Variants in EPB41L4A observed in about 807,000 individuals in gnomAD.
EPB41L4A encodes the protein band 4.1-like protein 4A.
In EPB41L4A, 100 loss-of-function variants were observed where a neutral mutation model predicts 108.6. The ratio of observed to expected loss-of-function variants is 0.92; its 90% CI spans 0.78 to 1.09. The LOEUF is 1.09. Among genes scored for constraint, EPB41L4A ranks in the 50% least tolerant of loss-of-function variants. The probability of loss-of-function intolerance (pLI) is 0.00; values close to 1 mark genes in which losing one functional copy is unlikely to be tolerated. For synonymous variants in EPB41L4A, 319 were observed against 289.0 expected (o/e 1.10, Z -1.05); for missense variants, 1,030 against 842.7 (o/e 1.22, Z -2.75).
intron 1 of EPB41L4A, among the ~76,000 whole-genome samples, chr5:112,308,766 T>C (rs1290524640): frequency 6.6e-6 from 1 of 152,196 alleles, no homozygotes; most frequent in Non-Finnish European, 1.5e-5. Context: ...CTGAAGGATA[T>C]GTATACTCAT....
chr5:112,234,938 T>A (rs973757941), intron 11 of EPB41L4A, among the ~76,000 whole-genome samples, 183 bp from the exon 12 acceptor site: 4 of 152,080 alleles, frequency 2.6e-5, no homozygotes, highest in Admixed American at 2.6e-4. Context: ...AGGAGGAGAT[T>A]TACATTAGAT....
chr5:112,145,889 C>G (rs1386819284), exon 13 of EPB41L4A: 2 of 456,058 alleles, frequency 4.4e-6, no homozygotes, highest in Non-Finnish European at 8.8e-6. Flanking sequence ...ACATCCCAGC[C>G]CCAATATCAC....
chr5:112,276,836 T>C (rs776048864), intron 3 of EPB41L4A, among the ~76,000 whole-genome samples: 12 of 152,324 alleles, frequency 7.9e-5, no homozygotes, highest in Non-Finnish European at 1.8e-4. Flanking sequence ...GTTCCTGGCA[T>C]GTGGGAGACC....
rs564064667 is a variant in EPB41L4A, at chr5:112,360,421, G to A, written c.100-52931C>T. On this transcript the variant is annotated intron_variant, in intron 1 of 22. Transcript: ENST00000261486. ...GCCCAGTGCCTGGGATTGCAGGCGCGCACCGCCACGCCTGACTGGTTTTTG... is the reference window on the plus strand; with the variant it reads ...GCCCAGTGCCTGGGATTGCAGGCGCACACCGCCACGCCTGACTGGTTTTTG... 1.2e-4 allele frequency among the ~76,000 whole-genome samples: 19 copies of A among 152,236 alleles called. 1 individual carries two copies. Among genetic ancestry groups the A allele is most frequent in the Admixed American group, 5.2e-4 (8 of 15,294 alleles).
At chr5:112,338,089 G>C (rs1199703468) in intron 1 of EPB41L4A, among the ~76,000 whole-genome samples, 1 of 152,054 alleles carries the variant, frequency 6.6e-6, no homozygotes, top group Non-Finnish European at 1.5e-5. Context: ...CCTCCAAAAT[G>C]CCATGTGTCA....
chr5:112,328,071 A>G (rs1439765785), intron 1 of EPB41L4A, among the ~76,000 whole-genome samples: 1 of 152,206 alleles, frequency 6.6e-6, no homozygotes, highest in African/African-American at 2.4e-5. Context: ...GCACTTTGCG[A>G]GGCCAAGGCA....
At chr5:112,228,424 ACT>A (rs1748623893) in intron 12 of EPB41L4A, 1 of 152,210 alleles carries the variant, frequency 6.6e-6, no homozygotes, top group Admixed American at 6.5e-5. Flanking sequence ...CCCCTTATGC[ACT>A]CTGTTTGCAG....
At chr5:112,335,820 T>G (rs1433443786) in intron 1 of EPB41L4A, among the ~76,000 whole-genome samples, 10 of 152,170 alleles carry the variant, frequency 6.6e-5, no homozygotes, top group Admixed American at 6.5e-4. Flanking sequence ...TACACCTTGA[T>G]CTCCAAGCCC....
chr5:112,346,671 C>T lies in EPB41L4A; in HGVS notation c.100-39181G>A, dbSNP rs1016727310. 2.0e-5 allele frequency among the ~76,000 whole-genome samples: 3 copies of T among 152,204 alleles called. No individual in the cohort carries two copies. The South Asian group carries it at 6.2e-4, about 31-fold the overall frequency. On this transcript the variant is annotated intron_variant, in intron 1 of 22. Coordinates refer to ENST00000261486, the MANE Select transcript of EPB41L4A (RefSeq NM_022140.5). ...AGCCCCAGTAGTTCATAAACAGAAA[C>T]ATGGCAACCATAGACCACACTGCAG...
At chr5:112,314,534 A>AAAAAAAG (rs1755291445) in intron 1 of EPB41L4A, among the ~76,000 whole-genome samples, 25 of 133,878 alleles carry the variant, frequency 1.9e-4, no homozygotes, top group Non-Finnish European at 6.2e-5. Flanking sequence ...AAAAAAAAAA[A>AAAAAAAG]AAAAGAAAAG....
At position 112,170,368 on chromosome 5, in the gene EPB41L4A, T is replaced by C; in HGVS notation, c.1672A>G (p.Lys558Glu). 1 of 1,596,832 alleles carries C rather than the reference T, an allele frequency of 6.3e-7. No individual in the cohort carries two copies. Among genetic ancestry groups the C allele is most frequent in the Non-Finnish European group, 8.6e-7 (1 of 1,164,780 alleles). ...AKEELWKHIQ[K>E]ELVDPSGLSE... ...AATCCGGATGGATCCACAAGTTCTT[T>C]TCTGTAAAGGAATATGCAAGAAAAT... Residue 558 changes from lysine (K) to glutamate (E), a missense_variant and splice_region_variant, in exon 20 of 23, where the codon AAA (lysine) becomes GAA (glutamate). Physicochemically the swap from Lys to Glu is moderately conservative, Grantham distance 56. Transcript: ENST00000261486.
At chr5:112,393,968 A>G (rs1248158138) in intron 1 of EPB41L4A, among the ~76,000 whole-genome samples, 1 of 152,214 alleles carries the variant, frequency 6.6e-6, no homozygotes, top group East Asian at 1.9e-4. Flanking sequence ...CCATCACATA[A>G]ACAAAACCAA....
chr5:112,404,070 C>G (rs1338081436), intron 1 of EPB41L4A, among the ~76,000 whole-genome samples: 1 of 152,184 alleles, frequency 6.6e-6, no homozygotes, highest in Non-Finnish European at 1.5e-5. Flanking sequence ...ATTAAGAAGC[C>G]TTCTAAGAAA....
intron 12 of EPB41L4A, among the ~76,000 whole-genome samples, chr5:112,215,087 T>C (rs918329590): frequency 7.2e-5 from 11 of 152,356 alleles, no homozygotes; most frequent in Middle Eastern, 3.4e-3. Flanking sequence ...AGAAAGGATG[T>C]ATTTCTGTTT....
At chr5:112,339,601 T>C (rs1011728117) in intron 1 of EPB41L4A, among the ~76,000 whole-genome samples, 2 of 150,480 alleles carry the variant, frequency 1.3e-5, no homozygotes, top group African/African-American at 2.4e-5. Context: ...TGGCCTGATA[T>C]CGGCTCACTG....
intron 12 of EPB41L4A, among the ~76,000 whole-genome samples, chr5:112,154,014 A>G (rs997807190): frequency 2.6e-5 from 4 of 152,348 alleles, no homozygotes; most frequent in Non-Finnish European, 5.9e-5. Context: ...GCTGGCACAC[A>G]CCAATATGGC....
At position 112,176,118 on chromosome 5, in the gene EPB41L4A, C is replaced by G. The variant is rs1030060761; in HGVS notation, c.1623-5126G>C. 2.6e-5 allele frequency among the ~76,000 whole-genome samples: 4 copies of G among 152,252 alleles called. No individual in the cohort carries two copies. In the East Asian group the frequency reaches 5.8e-4, roughly 22 times the overall value. On this transcript the variant is annotated intron_variant, in intron 18 of 22. Transcript: ENST00000261486. The stretch of plus-strand genomic sequence containing the variant: ...AATAACTAAGACCTGGGGGAACTTA[C>G]TAATAAAGGCTGTGACACAGGCACA...
rs1198578534 is a variant in EPB41L4A at position 112,164,986 on chromosome 5, A to AG, written c.*3dup. ...CCACCCCTACCCTTGACCCTTCATCAGGATCAAGTCTCTGTCTTGAGGCGG... is the reference window on the plus strand; with the variant it reads ...CCACCCCTACCCTTGACCCTTCATCAGGGATCAAGTCTCTGTCTTGAGGCGG... On this transcript the variant is annotated 3_prime_UTR_variant, in exon 23 of 23. Transcript: ENST00000261486. 1.2e-6 allele frequency: 2 copies of AG among 1,610,536 alleles called. No individual in the cohort carries two copies. The highest frequency in any genetic ancestry group is 2.7e-5 in the African/African-American group (2 of 74,618).
chr5:112,373,932 A>C (rs1477242122), intron 1 of EPB41L4A, among the ~76,000 whole-genome samples: 1 of 152,256 alleles, frequency 6.6e-6, no homozygotes, highest in African/African-American at 2.4e-5. Flanking sequence ...CTTCCAGAAA[A>C]TCAGATTAAT....
Sources: allele counts gnomAD v4.1 joint callset (sites outside exome capture counted in the v4.1 genomes callset), GRCh38; gene constraint gnomAD v4.1.1; transcripts MANE v1.5; gene names NCBI Gene and HGNC (gene_info 2026-07-23, HGNC 2026-07-21).